Variants in SRCAP observed in about 807,000 individuals in gnomAD.
SRCAP encodes Snf2 related CREBBP activator protein, also known as chromatin remodeling protein SRCAP.
Under a neutral mutation model 263.1 loss-of-function variants are expected in SRCAP, and 46 were observed. That is an observed-to-expected ratio of 0.17 (90% CI 0.14 to 0.22). The LOEUF is 0.22. Among genes scored for constraint, SRCAP ranks in the 10% least tolerant of loss-of-function variants. The probability of loss-of-function intolerance (pLI) is 1.00; values close to 1 mark genes in which losing one functional copy is unlikely to be tolerated. For synonymous variants in SRCAP, 1,813 were observed against 1,662.1 expected, an observed-to-expected ratio of 1.09 and a Z score of -2.21; for missense variants, 3,695 against 4,181.9, an observed-to-expected ratio of 0.88 and a Z score of 3.21.
intron 23 of SRCAP, 73 bp downstream of exon 23, chr16:30,722,821 G>A (rs1417727429): frequency 1.3e-6 from 2 of 1,553,108 alleles, no homozygotes; most frequent in Non-Finnish European, 1.7e-6. Context: ...GCTACTGTCT[G>A]TCCAGCCTTC....
chr16:30,734,722 T>C, intron 31 of SRCAP, 107 bp downstream of exon 31: 1 of 1,514,958 alleles, frequency 6.6e-7, no homozygotes, highest in Non-Finnish European at 9.0e-7. Flanking sequence ...TTTCTTCTGC[T>C]TCCCAGATTA....
At position 30,739,051 on chromosome 16, in the gene SRCAP, A is replaced by G; in HGVS notation, c.9011A>G (p.Lys3004Arg). The G allele has an allele frequency of 1.2e-6, 2 of 1,613,928 alleles. No individual in the cohort carries two copies. The highest frequency in any genetic ancestry group is 2.2e-5 in the South Asian group (2 of 91,068). The change falls in exon 34 of 34, where the codon AAA becomes AGA. Residue 3004 changes from lysine to arginine, a missense_variant. By Grantham distance (26) the Lys-to-Arg change is conservative. This residue lies in a region of SRCAP where 1,207 missense variants were observed against 1,142.9 expected (regional missense o/e 1.06). Transcript: ENST00000262518. Reference sequence around the variant, plus strand: ...GTCACCATTTCAACGTCCCCACCCAAACGGAAGAGGGGCCGACCTCCCAAG... The same window carrying G: ...GTCACCATTTCAACGTCCCCACCCAGACGGAAGAGGGGCCGACCTCCCAAG... ...TTVTISTSPP[K>R]RKRGRPPKNP... is the part of the protein sequence containing the mutation.
Position 30,712,692 on chromosome 16 carries a change from C to G in SRCAP, c.2007C>G (p.Pro669=). ...HLACEKGNWG[P]HLIIVPTSVM... is the part of the protein sequence containing the mutation. Reference sequence around the variant, plus strand: ...TTTGCCTAACAGGTAACTGGGGTCCCCATTTAATCATTGTTCCCACCAGCG... The same window carrying G: ...TTTGCCTAACAGGTAACTGGGGTCCGCATTTAATCATTGTTCCCACCAGCG... The change falls in exon 14 of 34, where the codon CCC becomes CCG. Residue 669 remains proline (P), a synonymous_variant. Transcript: ENST00000262518. The G allele has an allele frequency of 6.2e-7, 1 of 1,613,928 alleles. No individual in the cohort carries two copies.
intron 18 of SRCAP, among the ~76,000 whole-genome samples, chr16:30,717,390 C>T (rs1009591735): frequency 6.6e-6 from 1 of 152,034 alleles, no homozygotes; most frequent in Non-Finnish European, 1.5e-5. Flanking sequence ...TTGTCACATT[C>T]CATAAGTTGC....
In SRCAP at chr16:30,722,548, C is replaced by A. The variant is rs758861876; in HGVS notation, c.3707-15C>A. ...TAGCTGCTTCTCTCTCTCTTTCTCTCTTCCCTTAACCCAGGGAATGTGGTG... is the reference window on the plus strand; with the variant it reads ...TAGCTGCTTCTCTCTCTCTTTCTCTATTCCCTTAACCCAGGGAATGTGGTG... On this transcript the variant is annotated splice_polypyrimidine_tract_variant and intron_variant, in intron 22 of 33. Coordinates refer to ENST00000262518, the MANE Select transcript of SRCAP (RefSeq NM_006662.3). The A allele has an allele frequency of 1.2e-6, 2 of 1,612,684 alleles. No individual in the cohort carries two copies. Among genetic ancestry groups the A allele is most frequent in the Admixed American group, 1.7e-5 (1 of 59,972 alleles).
At position 30,734,525 on chromosome 16, in the gene SRCAP, C is replaced by T. The variant is rs1469106304; in HGVS notation, c.6639C>T (p.Pro2213=). The part of the protein sequence containing the change: ...QQTIRELFDM[P]LEEPSSSSVP... ...CCATCCGAGAGCTGTTTGATATGCC[C>T]CTGGAGGAACCTTCTAGCTCATCCG... Residue 2213 remains proline, a synonymous_variant, in exon 31 of 34, where the codon CCC becomes CCT. Transcript: ENST00000262518. The T allele has an allele frequency of 1.2e-6, 2 of 1,613,916 alleles. No homozygotes were observed. Among genetic ancestry groups the T allele is most frequent in the Non-Finnish European group, 1.7e-6 (2 of 1,179,974 alleles).
Position 30,723,110 on chromosome 16 carries a change from C to T in SRCAP, c.4040C>T (p.Thr1347Met), listed in dbSNP as rs139402766. 1.5e-5 allele frequency: 24 copies of T among 1,613,994 alleles called. No individual in the cohort carries two copies. The highest frequency in any genetic ancestry group is 5.5e-5 in the South Asian group (5 of 91,082). Residue 1347 changes from threonine to methionine, a missense_variant, in exon 24 of 34, where the codon ACG becomes ATG. Physicochemically the swap from Thr to Met is moderately conservative, Grantham distance 81. Transcript: ENST00000262518. ...CCAGCTGTGTTGAATCCACGCCCCA[C>T]GTTAACCCCTGGCCGGCTACCCACA... is the stretch of plus-strand genomic sequence containing the variant. Reference protein sequence around the residue: ...GLPAVLNPRPTLTPGRLPTPT... With the variant: ...GLPAVLNPRPMLTPGRLPTPT...
intron 4 of SRCAP, among the ~76,000 whole-genome samples, chr16:30,706,354 T>C (rs923518074): frequency 1.8e-4 from 28 of 152,140 alleles, no homozygotes; most frequent in Middle Eastern, 6.8e-3. Context: ...CTCAGCTACC[T>C]GGGAGGCTGA....
intron 25 of SRCAP, among the ~76,000 whole-genome samples, chr16:30,726,792 C>G (rs1484441952): frequency 1.3e-5 from 2 of 152,170 alleles, no homozygotes; most frequent in Non-Finnish European, 2.9e-5. Flanking sequence ...CCTCCACTTC[C>G]CAGGCTCAAA....
intron 6 of SRCAP, 90 bp from the exon 7 acceptor site, chr16:30,709,423 C>A: frequency 7.2e-7 from 1 of 1,388,096 alleles, no homozygotes; most frequent in Middle Eastern, 2.0e-4. Context: ...AGCCCAGGAT[C>A]TGGTTAAAGA....
intron 27 of SRCAP, among the ~76,000 whole-genome samples, chr16:30,731,061 G>A (rs999578588): frequency 9.9e-5 from 15 of 152,000 alleles, no homozygotes; most frequent in Admixed American, 9.2e-4. Flanking sequence ...ATGATGTTAG[G>A]ATGGCTGCCA....
At chr16:30,730,457 A>C (rs562151795) in intron 27 of SRCAP, among the ~76,000 whole-genome samples, 2 of 151,812 alleles carry the variant, frequency 1.3e-5, no homozygotes, top group African/African-American at 4.8e-5. Context: ...TTTCAGATAG[A>C]GTCTCACTCT....
intron 8 of SRCAP, 119 bp downstream of exon 8, chr16:30,710,247 T>G (rs1459166761): frequency 9.7e-7 from 1 of 1,030,034 alleles, no homozygotes; most frequent in Non-Finnish European, 1.4e-6. Context: ...GTAATGGACA[T>G]TTGGGCTCTT....
chr16:30,709,711 C>A lies in SRCAP; in HGVS notation c.832C>A (p.Pro278Thr), dbSNP rs773727840. 13 of 1,614,182 alleles carry A rather than the reference C, an allele frequency of 8.1e-6. No individual in the cohort carries two copies. The highest frequency in any genetic ancestry group is 8.5e-6 in the Non-Finnish European group (10 of 1,180,030). ...CTCAGCTGCCTCCAGTCCTCCACCC[C>A]CTGCTTCTCGCCTGGATGATGAAGG... ...SSSAASSPPP[P>T]ASRLDDEDGD... is the part of the protein sequence containing the mutation. The change falls in exon 7 of 34, where the codon CCT (proline) becomes ACT (threonine). Residue 278 changes from proline (P) to threonine (T), a missense_variant. Physicochemically the swap from Pro to Thr is conservative, Grantham distance 38. Coordinates refer to ENST00000262518, the MANE Select transcript of SRCAP (RefSeq NM_006662.3).
rs775923295 is a variant in SRCAP, at chr16:30,737,761, C to T, written c.7721C>T (p.Thr2574Ile). 1.9e-6 allele frequency: 3 copies of T among 1,614,024 alleles called. No homozygotes were observed. Among genetic ancestry groups the T allele is most frequent in the Non-Finnish European group, 8.5e-7 (1 of 1,179,888 alleles). The change falls in exon 34 of 34, where the codon ACC (threonine) becomes ATC (isoleucine). Residue 2574 changes from threonine (T) to isoleucine (I), a missense_variant. Physicochemically the swap from Thr to Ile is moderately conservative, Grantham distance 89. This residue lies in a region of SRCAP where 1,207 missense variants were observed against 1,142.9 expected (regional missense o/e 1.06). Coordinates refer to ENST00000262518, the MANE Select transcript of SRCAP (RefSeq NM_006662.3). The stretch of plus-strand genomic sequence containing the variant: ...CTGGCTTCTGTGGCCAGTTCAGAAA[C>T]CTCCTCACTTTCTCTTGTGCCCCCT... ...LELASVASSE[T>I]SSLSLVPPKD...
chr16:30,713,185 A>G (rs1021804531), intron 14 of SRCAP, 23 bp from the exon 15 acceptor site: 11 of 1,611,086 alleles, frequency 6.8e-6, no homozygotes, highest in Non-Finnish European at 9.3e-6. Context: ...ACTATCTGCT[A>G]CTTTCTGTCT....
Position 30,710,679 on chromosome 16 carries a change from AC to A in SRCAP, c.1135-73del, listed in dbSNP as rs1443457166. ...AATGGGACAGTGATTCTCCTGTGAC[AC>A]CTTTTTCAAGTTTGTGCCATTCTTC... is the stretch of plus-strand genomic sequence containing the variant. On this transcript the variant is annotated intron_variant, in intron 8 of 33. Coordinates refer to ENST00000262518, the MANE Select transcript of SRCAP (RefSeq NM_006662.3). 9.7e-6 allele frequency: 14 copies of A among 1,438,450 alleles called. 2 individuals are homozygous for A. In the South Asian group the frequency reaches 1.6e-4, roughly 16 times the overall value. 89.1% of individuals were successfully genotyped at this position (1,438,450 alleles called of 1,614,324 possible).
At position 30,729,374 on chromosome 16, in the gene SRCAP, A is replaced by T. The variant is rs1265462299; in HGVS notation, c.5929A>T (p.Ile1977Phe). The T allele has an allele frequency of 3.7e-6, 6 of 1,613,838 alleles. No individual in the cohort carries two copies. In the Admixed American group the frequency reaches 8.3e-5, roughly 22 times the overall value. Residue 1977 changes from isoleucine to phenylalanine, a missense_variant, in exon 27 of 34, where the codon ATC (isoleucine) becomes TTC (phenylalanine). By Grantham distance (21) the Ile-to-Phe change is conservative. Transcript: ENST00000262518. ...GCCTGCTTCTTCCTTTCACAGGTTC[A>T]TCTTTGTCATGCCTCCTGTGGAGGC... The part of the protein sequence containing the change: ...DQLSEIIERF[I>F]FVMPPVEAPP...
intron 14 of SRCAP, 25 bp from the exon 15 acceptor site, chr16:30,713,183 C>T (rs1391343214): frequency 6.2e-7 from 1 of 1,610,666 alleles, no homozygotes; most frequent in Admixed American, 1.7e-5. Context: ...CCACTATCTG[C>T]TACTTTCTGT....
Sources: gnomAD v4.1 joint callset for allele counts (sites outside exome capture counted in the v4.1 genomes callset) on GRCh38, gnomAD v4.1.1 for gene constraint, gnomAD v4.1.1 regional missense constraint, MANE v1.5 for transcripts, NCBI Gene and HGNC (gene_info 2026-07-23, HGNC 2026-07-21) for gene names.